The following LNPEP variants were observed in gnomAD, a reference collection of about 807,000 sequenced individuals.
LNPEP encodes the protein leucyl and cystinyl aminopeptidase.
In LNPEP, 64 loss-of-function variants were observed where a neutral mutation model predicts 120.6. The ratio of observed to expected loss-of-function variants is 0.53; its 90% CI spans 0.43 to 0.65. The LOEUF is 0.65. LNPEP is among the 30% of genes least tolerant of loss of function. The pLI is 0.00. For synonymous variants in LNPEP, 435 were observed against 425.4 expected (o/e 1.02, Z -0.28); for missense variants, 1,057 against 1,200.0 (o/e 0.88, Z 1.76).
intron 9 of LNPEP, among the ~76,000 whole-genome samples, chr5:97,004,675 A>T (rs910135050): frequency 1.3e-5 from 2 of 151,620 alleles, no homozygotes; most frequent in African/African-American, 4.8e-5. Flanking sequence ...TTTCTCATAC[A>T]CTCTTTACTG....
intron 11 of LNPEP, chr5:97,010,492 G>C (rs945338035): frequency 9.1e-6 from 9 of 985,268 alleles, no homozygotes; most frequent in Non-Finnish European, 1.1e-5. Context: ...TTGAACAGGA[G>C]TGATAAAGTT....
chr5:97,014,895 G>A (rs778931321), intron 12 of LNPEP, 44 bp from the exon 13 acceptor site: 3 of 1,373,584 alleles, frequency 2.2e-6, no homozygotes, highest in Non-Finnish European at 2.9e-6. Context: ...GACTTCTTCT[G>A]TGTGTCTCTG....
chr5:96,994,119 C>T (rs1209045912), intron 6 of LNPEP, 148 bp downstream of exon 6: 1 of 669,910 alleles, frequency 1.5e-6, no homozygotes, highest in Non-Finnish European at 2.4e-6. Context: ...ACACAAACTT[C>T]ATTTTCAAAT....
At chr5:96,954,838 A>G (rs1185963613) in intron 1 of LNPEP, among the ~76,000 whole-genome samples, 4 of 118,736 alleles carry the variant, frequency 3.4e-5, no homozygotes, top group Admixed American at 2.2e-4. Flanking sequence ...GCTGGAGTGC[A>G]GTGGCACGAT....
rs755255844 is a variant in LNPEP at position 97,014,894 on chromosome 5, T to C, written c.2220-45T>C. On this transcript the variant is annotated intron_variant, in intron 12 of 17. Coordinates refer to ENST00000231368, the MANE Select transcript of LNPEP (RefSeq NM_005575.3). The stretch of plus-strand genomic sequence containing the variant: ...TCTTTTAGCATGCATAGACTTCTTC[T>C]GTGTGTCTCTGCATATTTACTTTTC... The C allele has an allele frequency of 5.1e-6, 7 of 1,365,426 alleles. No homozygotes were observed. In the East Asian group the frequency reaches 1.3e-4, roughly 26 times the overall value. The allele number at this position is 1,365,426 out of a possible 1,614,324, so 84.6% of individuals were successfully genotyped here.
intron 11 of LNPEP, chr5:97,010,360 A>G: frequency 1.0e-6 from 1 of 984,332 alleles, no homozygotes; most frequent in Non-Finnish European, 1.2e-6. Context: ...AGAAAAGGTA[A>G]TTAGGATGAA....
At chr5:97,008,931 C>T (rs532271371) in intron 11 of LNPEP, among the ~76,000 whole-genome samples, 5 of 152,126 alleles carry the variant, frequency 3.3e-5, no homozygotes, top group South Asian at 2.1e-4. Context: ...GGATTACAAG[C>T]GTGAGCCACT....
At position 97,028,813 on chromosome 5, in the gene LNPEP, G is replaced by C; in HGVS notation, c.*280G>C. On this transcript the variant is annotated 3_prime_UTR_variant, in exon 18 of 18. Transcript: ENST00000231368. ...TCTACTTTGAAGATACACAGATGGG[G>C]ACAAAAACCCTGTTTTGGAATTCTG... 3.8e-6 allele frequency: 1 copy of C among 260,928 alleles called. No individual in the cohort carries two copies. Among genetic ancestry groups the C allele is most frequent in the Non-Finnish European group, 7.3e-6 (1 of 136,244 alleles). 16.2% of individuals were successfully genotyped at this position (260,928 alleles called of 1,614,324 possible). A position where few individuals can be genotyped will look rare whatever the true frequency, so the allele number is the denominator to read the frequency against.
intron 1 of LNPEP, among the ~76,000 whole-genome samples, chr5:96,977,136 G>A (rs2112603069): frequency 6.6e-6 from 1 of 152,080 alleles, no homozygotes; most frequent in East Asian, 1.9e-4. Context: ...GAGGAGTCAG[G>A]AAAAGGTAAC....
At chr5:96,956,009 G>A (rs1438101044) in intron 1 of LNPEP, among the ~76,000 whole-genome samples, 1 of 152,178 alleles carries the variant, frequency 6.6e-6, no homozygotes, top group Admixed American at 6.5e-5. Flanking sequence ...GCATTTCCCT[G>A]ATGACTTCTG....
intron 1 of LNPEP, among the ~76,000 whole-genome samples, chr5:96,952,943 A>G (rs1167889686): frequency 6.6e-6 from 1 of 152,172 alleles, no homozygotes; most frequent in Admixed American, 6.5e-5. Context: ...CAGGAATCCC[A>G]GATGATACAA....
rs1246441477 is a variant in LNPEP, at chr5:96,985,077, T to G, written c.861-3T>G. 1 of 1,613,702 alleles carries G rather than the reference T, an allele frequency of 6.2e-7. No homozygotes were observed. The highest frequency in any genetic ancestry group is 1.3e-5 in the African/African-American group (1 of 74,908). On this transcript the variant is annotated splice_polypyrimidine_tract_variant and splice_region_variant and intron_variant, in intron 2 of 17. Transcript: ENST00000231368. ...TACTGGATTGAATTTGTGTTTGTTT[T>G]AGGTACTTTGCAGCAACTCAGTTTG...
chr5:96,966,265 A>G (rs1789720436), intron 1 of LNPEP, among the ~76,000 whole-genome samples: 1 of 151,996 alleles, frequency 6.6e-6, no homozygotes, highest in Admixed American at 6.6e-5. Context: ...GGGAGGCAGA[A>G]GTGGGAGGAT....
Position 96,936,182 on chromosome 5 carries a change from G to T in LNPEP, c.19+8G>T, listed in dbSNP as rs1788858327. On this transcript the variant is annotated splice_region_variant and intron_variant, in intron 1 of 17. Transcript: ENST00000231368. ...TGGAGCCCTTCACCAATGGTGAGTGGGCTGCCGAGGCGCCGGGACCCGGGC... is the reference window on the plus strand; with the variant it reads ...TGGAGCCCTTCACCAATGGTGAGTGTGCTGCCGAGGCGCCGGGACCCGGGC... The T allele has an allele frequency of 1.4e-6, 2 of 1,448,352 alleles. No homozygotes were observed. The highest frequency in any genetic ancestry group is 2.7e-5 in the Admixed American group (1 of 36,680). 89.7% of individuals were successfully genotyped at this position (1,448,352 alleles called of 1,614,324 possible).
rs147599950 is a variant in LNPEP at position 96,944,709 on chromosome 5, T to C, written c.19+8535T>C. ...TCAGCCTCCTGAGTAGCTGGGATTA[T>C]AGGCATGTTGCCACCACACCCAGCT... On this transcript the variant is annotated intron_variant, in intron 1 of 17. Coordinates refer to ENST00000231368, the MANE Select transcript of LNPEP (RefSeq NM_005575.3). Among the ~76,000 whole-genome samples the C allele has an allele frequency of 4.6e-5, 7 of 151,786 alleles. No individual in the cohort carries two copies. The East Asian group carries it at 1.4e-3, about 30-fold the overall frequency.
chr5:96,962,360 G>C (rs1354641638), intron 1 of LNPEP, among the ~76,000 whole-genome samples: 1 of 152,224 alleles, frequency 6.6e-6, no homozygotes, highest in African/African-American at 2.4e-5. Context: ...CACTTCAGCT[G>C]TAAAATGTGA....
intron 8 of LNPEP, among the ~76,000 whole-genome samples, chr5:97,001,095 G>A (rs1031655970): frequency 5.9e-5 from 9 of 152,146 alleles, no homozygotes; most frequent in East Asian, 3.9e-4. Flanking sequence ...GGAAAGTACC[G>A]TGATATGGCT....
intron 1 of LNPEP, among the ~76,000 whole-genome samples, chr5:96,973,673 G>T (rs1420095889): frequency 2.0e-5 from 3 of 152,090 alleles, no homozygotes; most frequent in Non-Finnish European, 4.4e-5. Context: ...CTGTAGAAGG[G>T]ACTTGAGCAT....
chr5:96,960,819 G>GA lies in LNPEP; in HGVS notation c.20-18319_20-18318insA, dbSNP rs1554066779. On this transcript the variant is annotated intron_variant, in intron 1 of 17. Transcript: ENST00000231368. ...ATAGTGCTATAGTGAAAAAAAGAGA[G>GA]TAGTTTTTTTCTGAAACTATCTACT... Among the ~76,000 whole-genome samples, 5 of 152,208 alleles carry GA rather than the reference G, an allele frequency of 3.3e-5. No individual in the cohort carries two copies. In the South Asian group the frequency reaches 6.2e-4, roughly 19 times the overall value.
Sources: allele counts gnomAD v4.1 joint callset (sites outside exome capture counted in the v4.1 genomes callset), GRCh38; gene constraint gnomAD v4.1.1; transcripts MANE v1.5; gene names NCBI Gene and HGNC (gene_info 2026-07-23, HGNC 2026-07-21).